The following SMAP1 variants were observed in gnomAD, a reference collection of about 807,000 sequenced individuals.
The protein encoded by SMAP1 is small ArfGAP 1, also known as stromal membrane-associated protein 1.
In SMAP1, 24 loss-of-function variants were observed where a neutral mutation model predicts 58.5. The observed-to-expected ratio is 0.41, with a 90% CI of 0.30 to 0.58. The LOEUF (loss-of-function observed/expected upper bound fraction) is 0.58, where lower values mean the gene tolerates loss of function less well. SMAP1 is among the 20% of genes least tolerant of loss of function. SMAP1 has a pLI of 0.29. For synonymous variants in SMAP1, 216 were observed against 196.6 expected, an observed-to-expected ratio of 1.10 and a Z score of -0.82; for missense variants, 563 against 566.3, an observed-to-expected ratio of 0.99 and a Z score of 0.06.
At chr6:70,780,437 T>C (rs1767716413) in intron 4 of SMAP1, among the ~76,000 whole-genome samples, 1 of 152,082 alleles carries the variant, frequency 6.6e-6, no homozygotes, top group Non-Finnish European at 1.5e-5. Context: ...AAAAATTAGC[T>C]GGATGTGGTA....
At chr6:70,841,081 C>G (rs1379090500) in intron 7 of SMAP1, among the ~76,000 whole-genome samples, 1 of 152,130 alleles carries the variant, frequency 6.6e-6, no homozygotes, top group African/African-American at 2.4e-5. Flanking sequence ...TAGGACAGTT[C>G]CCCCCGACTA....
intron 2 of SMAP1, among the ~76,000 whole-genome samples, chr6:70,751,344 GT>G (rs1346143080): frequency 6.6e-6 from 1 of 152,124 alleles, no homozygotes; most frequent in Non-Finnish European, 1.5e-5. Flanking sequence ...AAACATGAAT[GT>G]TGAGTTTGTA....
chr6:70,752,678 C>T (rs1403110476), intron 2 of SMAP1, among the ~76,000 whole-genome samples: 1 of 151,802 alleles, frequency 6.6e-6, no homozygotes, highest in Non-Finnish European at 1.5e-5. Flanking sequence ...TTTTTTTCCC[C>T]TGCCCTCTCA....
intron 4 of SMAP1, among the ~76,000 whole-genome samples, chr6:70,781,748 T>C (rs1194013558): frequency 6.6e-6 from 1 of 152,236 alleles, no homozygotes; most frequent in Non-Finnish European, 1.5e-5. Flanking sequence ...CATTATGCTT[T>C]ATGGCCTTCA....
chr6:70,820,225 A>G (rs1769825749), intron 6 of SMAP1, among the ~76,000 whole-genome samples: 1 of 152,178 alleles, frequency 6.6e-6, no homozygotes. Context: ...CTTTTGATTA[A>G]ATATATAAGC....
intron 6 of SMAP1, among the ~76,000 whole-genome samples, chr6:70,807,643 A>G (rs1245883828): frequency 1.3e-5 from 2 of 152,308 alleles, no homozygotes; most frequent in African/African-American, 4.8e-5. Flanking sequence ...TCTAAGTTTT[A>G]TAGGTTTTCT....
intron 2 of SMAP1, among the ~76,000 whole-genome samples, chr6:70,741,039 A>G (rs1208644489): frequency 5.9e-5 from 9 of 152,184 alleles, no homozygotes; most frequent in African/African-American, 2.2e-4. Context: ...CTCCCACAAC[A>G]CATGGGAATT....
intron 7 of SMAP1, among the ~76,000 whole-genome samples, chr6:70,850,849 G>A (rs900770561): frequency 6.6e-6 from 1 of 151,988 alleles, no homozygotes; most frequent in African/African-American, 2.4e-5. Context: ...CATGTAAATG[G>A]GGTATGGAAT....
intron 1 of SMAP1, among the ~76,000 whole-genome samples, chr6:70,729,084 C>T (rs147567322): frequency 6.6e-6 from 1 of 152,066 alleles, no homozygotes; most frequent in African/African-American, 2.4e-5. Context: ...CATTTTCTCC[C>T]TAAGATTTAG....
At chr6:70,707,198 C>G (rs928489208) in intron 1 of SMAP1, among the ~76,000 whole-genome samples, 2 of 152,124 alleles carry the variant, frequency 1.3e-5, no homozygotes, top group East Asian at 3.9e-4. Context: ...AAGCATGGAA[C>G]ATTTGAGCTT....
intron 6 of SMAP1, among the ~76,000 whole-genome samples, chr6:70,807,275 T>C (rs1189663929): frequency 6.6e-6 from 1 of 152,230 alleles, no homozygotes; most frequent in African/African-American, 2.4e-5. Flanking sequence ...CTATTACTAA[T>C]TGTGTCAGTT....
At chr6:70,820,717 A>G (rs1279273360) in intron 6 of SMAP1, among the ~76,000 whole-genome samples, 1 of 152,164 alleles carries the variant, frequency 6.6e-6, no homozygotes, top group Non-Finnish European at 1.5e-5. Flanking sequence ...AAAAAAAAAA[A>G]AAAGAAAACT....
chr6:70,802,110 T>C (rs1243190156), intron 6 of SMAP1, among the ~76,000 whole-genome samples: 1 of 152,244 alleles, frequency 6.6e-6, no homozygotes, highest in Non-Finnish European at 1.5e-5. Flanking sequence ...TTGGGCAGTA[T>C]GGCCATTTTC....
intron 1 of SMAP1, among the ~76,000 whole-genome samples, chr6:70,714,093 A>G (rs985359236): frequency 2.0e-5 from 3 of 151,672 alleles, no homozygotes; most frequent in African/African-American, 4.8e-5. Flanking sequence ...ATTCTTTTCT[A>G]TTCCTTCACT....
At chr6:70,735,351 A>G (rs771680784) in intron 2 of SMAP1, among the ~76,000 whole-genome samples, 3 of 152,212 alleles carry the variant, frequency 2.0e-5, no homozygotes, top group Non-Finnish European at 4.4e-5. Flanking sequence ...TTTGCTATAC[A>G]TTAAAATGTC....
intron 1 of SMAP1, among the ~76,000 whole-genome samples, chr6:70,723,864 C>T (rs1768640856): frequency 6.6e-6 from 1 of 152,032 alleles, no homozygotes; most frequent in Admixed American, 6.6e-5. Context: ...TGCTGTCTTT[C>T]TGAGTAGGGG....
At chr6:70,743,101 T>G (rs1428121788) in intron 2 of SMAP1, among the ~76,000 whole-genome samples, 1 of 152,218 alleles carries the variant, frequency 6.6e-6, no homozygotes, top group Non-Finnish European at 1.5e-5. Flanking sequence ...TTTCTCAGAT[T>G]GGTTCATTGT....
intron 1 of SMAP1, among the ~76,000 whole-genome samples, chr6:70,729,438 C>CAAAAA (rs71538438): frequency 1.2e-5 from 1 of 81,720 alleles, no homozygotes; most frequent in Non-Finnish European, 2.5e-5. Flanking sequence ...GACTCCGTCT[C>CAAAAA]AAAAAAAAAA....
chr6:70,841,451 G>T (rs2150001781), intron 7 of SMAP1, among the ~76,000 whole-genome samples: 1 of 151,340 alleles, frequency 6.6e-6, no homozygotes, highest in South Asian at 2.1e-4. Flanking sequence ...ACAAAGAATC[G>T]AGTCATGATC....
Sources: gnomAD v4.1 joint callset for allele counts (sites outside exome capture counted in the v4.1 genomes callset) on GRCh38, gnomAD v4.1.1 for gene constraint, MANE v1.5 for transcripts, NCBI Gene and HGNC (gene_info 2026-07-23, HGNC 2026-07-21) for gene names.